KSR2: variants seen among roughly 807,000 people sequenced by gnomAD.
The protein encoded by KSR2 is kinase suppressor of ras 2.
KSR2 carries 25 observed loss-of-function variants against 107.8 expected under a neutral mutation model. The ratio of observed to expected loss-of-function variants is 0.23; its 90% CI spans 0.17 to 0.32. The LOEUF is 0.32. Among genes scored for constraint, KSR2 ranks in the 10% least tolerant of loss-of-function variants. KSR2 has a pLI of 1.00. For synonymous variants in KSR2, 480 were observed against 507.0 expected, an observed-to-expected ratio of 0.95 and a Z score of 0.71; for missense variants, 887 against 1,268.9, an observed-to-expected ratio of 0.70 and a Z score of 4.57.
intron 5 of KSR2, among the ~76,000 whole-genome samples, chr12:117,613,336 T>C (rs1184569524): frequency 1.3e-5 from 2 of 152,182 alleles, no homozygotes; most frequent in Non-Finnish European, 2.9e-5. Flanking sequence ...AGCTCCCCCA[T>C]TGGCCTCCCC....
intron 1 of KSR2, among the ~76,000 whole-genome samples, chr12:117,876,087 T>G (rs1317657936): frequency 6.6e-6 from 1 of 152,162 alleles, no homozygotes; most frequent in Non-Finnish European, 1.5e-5. Context: ...GGTCCCTGGT[T>G]GTGTTATTAA....
intron 7 of KSR2, among the ~76,000 whole-genome samples, chr12:117,568,544 C>G (rs1345790132): frequency 2.6e-5 from 4 of 152,092 alleles, no homozygotes; most frequent in African/African-American, 9.7e-5. Flanking sequence ...ATCCACACAC[C>G]GTGACACTTC....
At chr12:117,676,224 C>T (rs1885113038) in intron 4 of KSR2, among the ~76,000 whole-genome samples, 1 of 152,182 alleles carries the variant, frequency 6.6e-6, no homozygotes, top group South Asian at 2.1e-4. Flanking sequence ...CGATAGCCCT[C>T]ATTTCTGGCT....
chr12:117,851,028 C>T (rs1234608548), intron 3 of KSR2, among the ~76,000 whole-genome samples: 1 of 152,174 alleles, frequency 6.6e-6, no homozygotes, highest in Non-Finnish European at 1.5e-5. Flanking sequence ...GAACAGCATA[C>T]GTGAAGTACA....
intron 3 of KSR2, among the ~76,000 whole-genome samples, chr12:117,765,718 G>A (rs1041146694): frequency 6.6e-6 from 1 of 152,196 alleles, no homozygotes; most frequent in African/African-American, 2.4e-5. Flanking sequence ...TAGAGGGAAA[G>A]AAAGCAGGGC....
At chr12:117,576,287 A>G (rs1029664992) in intron 7 of KSR2, among the ~76,000 whole-genome samples, 1 of 152,140 alleles carries the variant, frequency 6.6e-6, no homozygotes, top group Non-Finnish European at 1.5e-5. Flanking sequence ...ATGTGGTGGG[A>G]CTAGATACAG....
intron 1 of KSR2, among the ~76,000 whole-genome samples, chr12:117,885,820 G>T (rs759217889): frequency 3.0e-4 from 45 of 151,984 alleles, no homozygotes; most frequent in Admixed American, 2.9e-3. Context: ...ACCTGGCCGG[G>T]CGCGGTGGCT....
At chr12:117,819,472 G>T (rs1891489103) in intron 3 of KSR2, among the ~76,000 whole-genome samples, 1 of 152,272 alleles carries the variant, frequency 6.6e-6, no homozygotes, top group African/African-American at 2.4e-5. Context: ...GGGCACAGTG[G>T]GGGTAAAAGC....
chr12:117,893,874 T>A (rs114955510), intron 1 of KSR2, among the ~76,000 whole-genome samples: 117 of 151,552 alleles, frequency 7.7e-4, no homozygotes, highest in African/African-American at 2.8e-3. Context: ...AAGTCAAAAT[T>A]CATAGCCAGA....
chr12:117,515,351 A>G (rs914252772), intron 14 of KSR2, among the ~76,000 whole-genome samples: 1 of 152,190 alleles, frequency 6.6e-6, no homozygotes, highest in Non-Finnish European at 1.5e-5. Context: ...TTCTAAGTAA[A>G]TAGCACCATT....
intron 3 of KSR2, among the ~76,000 whole-genome samples, chr12:117,838,034 C>A (rs1225906599): frequency 1.3e-5 from 2 of 152,182 alleles, no homozygotes; most frequent in African/African-American, 4.8e-5. Context: ...ATAGGAGTGA[C>A]CTTCAGAGAG....
chr12:117,721,000 C>T (rs11068648), intron 4 of KSR2, among the ~76,000 whole-genome samples: 27,034 of 152,078 alleles, frequency 0.18, 2,500 homozygotes, highest in Middle Eastern at 0.26. Context: ...AGGTCCCATT[C>T]GGCCATCAGA....
intron 1 of KSR2, among the ~76,000 whole-genome samples, chr12:117,872,847 G>T (rs1893695225): frequency 6.6e-6 from 1 of 152,158 alleles, no homozygotes; most frequent in South Asian, 2.1e-4. Flanking sequence ...CTCTCCAAGG[G>T]CTGTGGGCTC....
At chr12:117,635,159 C>T (rs1883007252) in intron 5 of KSR2, among the ~76,000 whole-genome samples, 1 of 152,132 alleles carries the variant, frequency 6.6e-6, no homozygotes, top group Non-Finnish European at 1.5e-5. Context: ...GTCTCCTGTC[C>T]CCTCATTCAT....
intron 5 of KSR2, among the ~76,000 whole-genome samples, chr12:117,659,419 A>C (rs574989616): frequency 5.3e-5 from 8 of 152,276 alleles, no homozygotes; most frequent in African/African-American, 1.9e-4. Context: ...ACACCCACAC[A>C]TGCACACACA....
chr12:117,799,276 C>T (rs1953087282), intron 3 of KSR2, among the ~76,000 whole-genome samples: 1 of 152,078 alleles, frequency 6.6e-6, no homozygotes, highest in African/African-American at 2.4e-5. Flanking sequence ...CCAAGGTGGG[C>T]AGATCAACTG....
chr12:117,913,654 G>A (rs1354632280), intron 1 of KSR2, among the ~76,000 whole-genome samples: 1 of 152,182 alleles, frequency 6.6e-6, no homozygotes, highest in Non-Finnish European at 1.5e-5. Flanking sequence ...AGGAACGTGA[G>A]GAGCCCCCAG....
chr12:117,666,477 C>T (rs554970425), intron 5 of KSR2, among the ~76,000 whole-genome samples: 13 of 152,358 alleles, frequency 8.5e-5, no homozygotes, highest in African/African-American at 3.1e-4. Context: ...AATCCCAGCT[C>T]AAATACTCAA....
At chr12:117,655,889 C>T (rs1371190249) in intron 5 of KSR2, among the ~76,000 whole-genome samples, 3 of 152,162 alleles carry the variant, frequency 2.0e-5, no homozygotes, top group Admixed American at 2.0e-4. Context: ...CTGAGTATTA[C>T]CATGCACTGT....
Sources: allele counts gnomAD v4.1 joint callset (sites outside exome capture counted in the v4.1 genomes callset), GRCh38; gene constraint gnomAD v4.1.1; transcripts MANE v1.5; gene names NCBI Gene and HGNC (gene_info 2026-07-23, HGNC 2026-07-21).